The following MTMR3 variants were observed in gnomAD, a reference collection of about 807,000 sequenced individuals.
The protein encoded by MTMR3 is phosphatidylinositol-3,5-bisphosphate 3-phosphatase MTMR3.
Under a neutral mutation model 132.4 loss-of-function variants are expected in MTMR3, and 32 were observed. That is an observed-to-expected ratio of 0.24 (90% CI 0.18 to 0.32). MTMR3 has a LOEUF of 0.32. Among genes scored for constraint, MTMR3 ranks in the 10% least tolerant of loss-of-function variants. The pLI is 1.00. For synonymous variants in MTMR3, 556 were observed against 550.3 expected (o/e 1.01, Z -0.14); for missense variants, 1,216 against 1,489.6 (o/e 0.82, Z 3.02).
At position 30,025,864 on chromosome 22, in the gene MTMR3, G is replaced by T. The variant is rs746220322; in HGVS notation, c.*63G>T. The T allele has an allele frequency of 1.5e-5, 23 of 1,573,686 alleles. No individual in the cohort carries two copies. Among genetic ancestry groups the T allele is most frequent in the Non-Finnish European group, 1.7e-5 (20 of 1,146,748 alleles). ...TTCCTATGACAGGCCCACTCAACCT[G>T]GGCAGACCGAGAGGCCCGTGCACTT... On this transcript the variant is annotated 3_prime_UTR_variant, in exon 20 of 20. Transcript: ENST00000401950.
chr22:29,949,648 A>T (rs1011546794), intron 1 of MTMR3, among the ~76,000 whole-genome samples: 2 of 151,208 alleles, frequency 1.3e-5, no homozygotes, highest in African/African-American at 4.9e-5. Flanking sequence ...AAGCCTTATT[A>T]AAAAAAAACT....
At chr22:29,960,576 G>A (rs1602570836) in intron 2 of MTMR3, among the ~76,000 whole-genome samples, 2 of 152,148 alleles carry the variant, frequency 1.3e-5, no homozygotes, top group South Asian at 4.1e-4. Flanking sequence ...TCATATGTAT[G>A]TACATGTACA....
chr22:29,953,459 T>A (rs2066123084), intron 1 of MTMR3, among the ~76,000 whole-genome samples: 1 of 152,176 alleles, frequency 6.6e-6, no homozygotes, highest in Non-Finnish European at 1.5e-5. Context: ...AGGTGCTAAA[T>A]ATGTCCATTC....
chr22:29,894,956 T>C (rs1465755128), intron 1 of MTMR3, among the ~76,000 whole-genome samples: 14 of 152,250 alleles, frequency 9.2e-5, no homozygotes, highest in Non-Finnish European at 1.5e-4. Flanking sequence ...CTCGTGCCTA[T>C]AATACCAGCA....
At chr22:29,925,512 G>A (rs181073952) in intron 1 of MTMR3, among the ~76,000 whole-genome samples, 8 of 151,590 alleles carry the variant, frequency 5.3e-5, no homozygotes, top group Admixed American at 3.9e-4. Flanking sequence ...GAAGGAACCA[G>A]GAGTAAGAAT....
At chr22:29,895,074 G>C (rs780460698) in intron 1 of MTMR3, among the ~76,000 whole-genome samples, 2 of 152,108 alleles carry the variant, frequency 1.3e-5, no homozygotes, top group Non-Finnish European at 2.9e-5. Context: ...GGGGCGCGGT[G>C]GTGGGCATCT....
In MTMR3 at chr22:30,020,648, C is replaced by T. The variant is rs761379490; in HGVS notation, c.2989C>T (p.His997Tyr). 1 of 1,614,098 alleles carries T rather than the reference C, an allele frequency of 6.2e-7. No individual in the cohort carries two copies. The highest frequency in any genetic ancestry group is 8.5e-7 in the Non-Finnish European group (1 of 1,180,056). The change falls in exon 17 of 20, where the codon CAC becomes TAC. Residue 997 changes from histidine (H) to tyrosine (Y), a missense_variant. Physicochemically the swap from His to Tyr is moderately conservative, Grantham distance 83. Coordinates refer to ENST00000401950, the MANE Select transcript of MTMR3 (RefSeq NM_021090.4). The part of the protein sequence containing the change: ...RNLHHKWLHS[H>Y]SGRPSATSSP... ...CTTGCACCACAAGTGGCTGCATAGCCACTCAGGAAGGCCATCTGCAACCAG... is the reference window on the plus strand; with the variant it reads ...CTTGCACCACAAGTGGCTGCATAGCTACTCAGGAAGGCCATCTGCAACCAG...
chr22:29,896,866 G>GACACACACAC (rs1568994324), intron 1 of MTMR3, among the ~76,000 whole-genome samples: 1 of 98,530 alleles, frequency 1.0e-5, no homozygotes, highest in African/African-American at 4.1e-5. Context: ...TAACAGGCTT[G>GACACACACAC]TCTCACACAC....
chr22:29,944,087 G>A (rs1386582022), intron 1 of MTMR3, among the ~76,000 whole-genome samples: 1 of 151,874 alleles, frequency 6.6e-6, no homozygotes, highest in African/African-American at 2.4e-5. Flanking sequence ...CCAAAGTGGT[G>A]GGATTACAGG....
intron 1 of MTMR3, among the ~76,000 whole-genome samples, chr22:29,916,061 A>G (rs2065301800): frequency 6.6e-6 from 1 of 152,090 alleles, no homozygotes; most frequent in African/African-American, 2.4e-5. Flanking sequence ...TGCTATTGTC[A>G]TACATTTTAC....
In MTMR3 at chr22:29,961,136, T is replaced by TAAAC. The variant is rs558616193; in HGVS notation, c.-85+4049_-85+4050insAACA. On this transcript the variant is annotated intron_variant, in intron 2 of 19. Coordinates refer to ENST00000401950, the MANE Select transcript of MTMR3 (RefSeq NM_021090.4). ...AAATATGTGTTGTGTTTTTTTTAAA[T>TAAAC]AGAAGAGTATGTAGTCTTTGGCAAT... Among the ~76,000 whole-genome samples the TAAAC allele has an allele frequency of 4.5e-3, 678 of 152,276 alleles. 6 individuals carry two copies. Among genetic ancestry groups the TAAAC allele is most frequent in the African/African-American group, 0.015 (640 of 41,572 alleles).
intron 19 of MTMR3, chr22:30,023,441 T>A: frequency 1.2e-6 from 2 of 1,614,190 alleles, no homozygotes; most frequent in Non-Finnish European, 1.7e-6. Context: ...CTGAGCTCTT[T>A]CTCCCCTCCT....
chr22:30,023,828 T>C (rs1472834154), intron 19 of MTMR3: 4 of 304,354 alleles, frequency 1.3e-5, no homozygotes, highest in Non-Finnish European at 2.5e-5. Flanking sequence ...GCCAGAATAA[T>C]GCTAGTAATT....
chr22:29,991,728 T>G, intron 7 of MTMR3, 58 bp downstream of exon 7: 1 of 1,483,140 alleles, frequency 6.7e-7, no homozygotes, highest in Non-Finnish European at 9.0e-7. Context: ...CTGATGGAGG[T>G]ACTTTTAACA....
chr22:29,910,006 A>T (rs1375654964), intron 1 of MTMR3, among the ~76,000 whole-genome samples: 1 of 151,948 alleles, frequency 6.6e-6, no homozygotes, highest in Non-Finnish European at 1.5e-5. Flanking sequence ...AATACAAAAA[A>T]ATTAGCCGGG....
intron 1 of MTMR3, among the ~76,000 whole-genome samples, chr22:29,955,976 T>C (rs1031686203): frequency 6.6e-6 from 1 of 152,080 alleles, no homozygotes; most frequent in Admixed American, 6.6e-5. Flanking sequence ...GGTCTTGAAC[T>C]CTTGACCTCA....
At chr22:30,017,025 T>A in intron 15 of MTMR3, 1 of 227,174 alleles carries the variant, frequency 4.4e-6, no homozygotes. Flanking sequence ...CTTAAGTTGC[T>A]TCCTGATGCA....
intron 6 of MTMR3, chr22:29,990,962 A>G (rs1415921200): frequency 6.6e-6 from 1 of 152,286 alleles, no homozygotes; most frequent in African/African-American, 2.4e-5. Context: ...GCAGTTGACA[A>G]TAGAATTGTT....
intron 3 of MTMR3, 29 bp downstream of exon 3, chr22:29,971,091 AAAAAC>A: frequency 6.3e-7 from 1 of 1,583,684 alleles, no homozygotes; most frequent in East Asian, 2.2e-5. Context: ...GAGTAAAAAA[AAAAAC>A]AAAAAACCCT....
Sources: allele counts gnomAD v4.1 joint callset (sites outside exome capture counted in the v4.1 genomes callset), GRCh38; gene constraint gnomAD v4.1.1; transcripts MANE v1.5; gene names NCBI Gene and HGNC (gene_info 2026-07-23, HGNC 2026-07-21).